Variants in TOMM70 observed in about 807,000 individuals in gnomAD.
TOMM70 encodes the protein mitochondrial import receptor subunit TOM70.
Under a neutral mutation model 73.6 loss-of-function variants are expected in TOMM70, and 13 were observed. The ratio of observed to expected loss-of-function variants is 0.18; its 90% CI spans 0.11 to 0.28. The LOEUF (loss-of-function observed/expected upper bound fraction) is 0.28, where lower values mean the gene tolerates loss of function less well. Among genes scored for constraint, TOMM70 ranks in the 10% least tolerant of loss-of-function variants. TOMM70 has a pLI of 1.00. For synonymous variants in TOMM70, 257 were observed against 271.2 expected, an observed-to-expected ratio of 0.95 and a Z score of 0.51; for missense variants, 609 against 747.5, an observed-to-expected ratio of 0.81 and a Z score of 2.16.
chr3:100,365,869 T>A lies in TOMM70; in HGVS notation c.1674-152A>T, dbSNP rs1318338048. On this transcript the variant is annotated intron_variant, in intron 11 of 11. Transcript: ENST00000284320. ...GTGATGCTACATGAAGTCTGACCAC[T>A]AAGTTTCTACTATGATTCTAGTAAA... The A allele has an allele frequency of 5.8e-6, 5 of 857,300 alleles. No homozygotes were observed. The African/African-American group carries it at 8.5e-5, about 15-fold the overall frequency. The allele number at this position is 857,300 out of a possible 1,614,324, so 53.1% of individuals were successfully genotyped here.
intron 1 of TOMM70, among the ~76,000 whole-genome samples, chr3:100,391,894 T>A (rs1706767478): frequency 6.6e-6 from 1 of 152,204 alleles, no homozygotes; most frequent in Non-Finnish European, 1.5e-5. Context: ...GCCTTTACTT[T>A]CACTCACCCA....
rs796319693 is a variant in TOMM70, at chr3:100,387,599, G to GACACAGACAC, written c.325-622_325-621insGTGTCTGTGT. 1.9e-3 allele frequency among the ~76,000 whole-genome samples: 227 copies of GACACAGACAC among 118,204 alleles called. 1 individual carries two copies. Among genetic ancestry groups the GACACAGACAC allele is most frequent in the African/African-American group, 5.7e-3 (181 of 31,724 alleles). The allele number at this position is 118,204 out of a possible 152,430, so 77.5% of individuals were successfully genotyped here. On this transcript the variant is annotated intron_variant, in intron 1 of 11. Transcript: ENST00000284320. ...GCTAAAAGACACAGACACAGACACA[G>GACACAGACAC]ACACACACACACACACACACACACA... is the stretch of plus-strand genomic sequence containing the variant.
intron 6 of TOMM70, among the ~76,000 whole-genome samples, chr3:100,376,183 T>C (rs1384567056): frequency 1.3e-5 from 2 of 152,170 alleles, no homozygotes; most frequent in Non-Finnish European, 2.9e-5. Context: ...GTCATTTGTA[T>C]ATTCTTTGGA....
intron 6 of TOMM70, among the ~76,000 whole-genome samples, chr3:100,376,369 G>GTTTTTTTTTTTTTTGTTTT (rs761190084): frequency 8.2e-6 from 1 of 121,768 alleles, no homozygotes; most frequent in African/African-American, 3.7e-5. Flanking sequence ...TCACACAGAA[G>GTTTTTTTTTTTTTTGTTTT]TTTTTTTTTT....
intron 1 of TOMM70, among the ~76,000 whole-genome samples, chr3:100,399,449 G>C (rs901582683): frequency 2.0e-5 from 3 of 152,044 alleles, no homozygotes; most frequent in African/African-American, 7.2e-5. Context: ...ACTTACTCTG[G>C]TACTACCATT....
At chr3:100,395,487 G>A (rs1576219380) in intron 1 of TOMM70, among the ~76,000 whole-genome samples, 1 of 146,282 alleles carries the variant, frequency 6.8e-6, no homozygotes, top group African/African-American at 2.6e-5. Flanking sequence ...ATGTTGCGGT[G>A]AGCAGAGATT....
Position 100,365,519 on chromosome 3 carries a change from G to A in TOMM70, c.*45C>T, listed in dbSNP as rs1188725876. 2.5e-6 allele frequency: 4 copies of A among 1,612,350 alleles called. No individual in the cohort carries two copies. Among genetic ancestry groups the A allele is most frequent in the Non-Finnish European group, 3.4e-6 (4 of 1,178,776 alleles). On this transcript the variant is annotated 3_prime_UTR_variant, in exon 12 of 12. Transcript: ENST00000284320. ...AGTGTCTTTAGGGTTCAGTTGAAGAGGGGGTAAACTTTTAAAAAGAGGGTC... is the reference window on the plus strand; with the variant it reads ...AGTGTCTTTAGGGTTCAGTTGAAGAAGGGGTAAACTTTTAAAAAGAGGGTC...
At chr3:100,368,311 G>T in intron 10 of TOMM70, 145 bp from the exon 11 acceptor site, 1 of 1,037,660 alleles carries the variant, frequency 9.6e-7, no homozygotes, top group Non-Finnish European at 1.3e-6. Context: ...GCATCAAATT[G>T]TGTTTTTTTT....
At chr3:100,398,330 G>T (rs1288797269) in intron 1 of TOMM70, among the ~76,000 whole-genome samples, 1 of 145,472 alleles carries the variant, frequency 6.9e-6, no homozygotes, top group African/African-American at 2.6e-5. Context: ...GTTGCAGTGA[G>T]CCAAGATCGT....
intron 1 of TOMM70, among the ~76,000 whole-genome samples, chr3:100,391,772 C>T (rs938643740): frequency 6.6e-6 from 1 of 152,100 alleles, no homozygotes; most frequent in Admixed American, 6.5e-5. Context: ...TAAAAAGTTA[C>T]ATACAGTAAG....
intron 6 of TOMM70, chr3:100,377,324 T>C (rs1012496124): frequency 5.9e-6 from 1 of 170,316 alleles, no homozygotes; most frequent in African/African-American, 2.4e-5. Context: ...TCTGAATATA[T>C]TAATGTGTTT....
chr3:100,380,362 C>T (rs1055664232), intron 5 of TOMM70, among the ~76,000 whole-genome samples: 6 of 151,544 alleles, frequency 4.0e-5, no homozygotes, highest in Admixed American at 6.6e-5. Context: ...AAAGAGAAAA[C>T]GAAAACACAA....
rs1706634903 is a variant in TOMM70 at position 100,381,598 on chromosome 3, A to G, written c.884+17T>C. On this transcript the variant is annotated intron_variant, in intron 5 of 11. Coordinates refer to ENST00000284320, the MANE Select transcript of TOMM70 (RefSeq NM_014820.5). ...CCCAAAACACCACTAAGTAGACACTATGCTTGACATACTTACTTTTCTTTC... is the reference window on the plus strand; with the variant it reads ...CCCAAAACACCACTAAGTAGACACTGTGCTTGACATACTTACTTTTCTTTC... 2 of 1,610,856 alleles carry G rather than the reference A, an allele frequency of 1.2e-6. No homozygotes were observed. Among genetic ancestry groups the G allele is most frequent in the South Asian group, 1.1e-5 (1 of 90,590 alleles).
intron 10 of TOMM70, among the ~76,000 whole-genome samples, chr3:100,368,452 T>C (rs1289816481): frequency 6.6e-6 from 1 of 152,258 alleles, no homozygotes; most frequent in African/African-American, 2.4e-5. Context: ...CTTAGGATAA[T>C]TCAAGTACGC....
intron 3 of TOMM70, among the ~76,000 whole-genome samples, chr3:100,384,926 T>C (rs1489450641): frequency 2.6e-5 from 4 of 152,198 alleles, no homozygotes; most frequent in Admixed American, 1.3e-4. Context: ...CTCTCATGTC[T>C]GGTGTTTGTT....
intron 9 of TOMM70, among the ~76,000 whole-genome samples, chr3:100,371,794 C>G (rs1035276453): frequency 6.6e-6 from 1 of 152,112 alleles, no homozygotes; most frequent in East Asian, 1.9e-4. Flanking sequence ...ACTGTTCCAC[C>G]TCAGATCATC....
intron 1 of TOMM70, among the ~76,000 whole-genome samples, chr3:100,396,033 T>TAA (rs1234978745): frequency 4.0e-5 from 5 of 125,142 alleles, no homozygotes; most frequent in African/African-American, 1.5e-4. Context: ...TTTTTTTTTT[T>TAA]AAATCAGGAA....
chr3:100,380,802 A>G (rs1440248429), intron 5 of TOMM70, among the ~76,000 whole-genome samples: 1 of 152,238 alleles, frequency 6.6e-6, no homozygotes, highest in Non-Finnish European at 1.5e-5. Flanking sequence ...TATGCACAGT[A>G]TCTTCTCTTA....
chr3:100,374,105 CCA>C (rs1706538444), intron 7 of TOMM70, among the ~76,000 whole-genome samples: 1 of 152,226 alleles, frequency 6.6e-6, no homozygotes, highest in African/African-American at 2.4e-5. Context: ...AATCAACAGA[CCA>C]CATATACAAC....
Sources: gnomAD v4.1 joint callset for allele counts (sites outside exome capture counted in the v4.1 genomes callset) on GRCh38, gnomAD v4.1.1 for gene constraint, MANE v1.5 for transcripts, NCBI Gene and HGNC (gene_info 2026-07-23, HGNC 2026-07-21) for gene names.